FRMD3: variants seen among roughly 807,000 people sequenced by gnomAD.
FRMD3 encodes the protein FERM domain containing 3, also known as FERM domain-containing protein 3.
Under a neutral mutation model 70.2 loss-of-function variants are expected in FRMD3, and 33 were observed. The observed-to-expected ratio is 0.47, with a 90% CI of 0.36 to 0.63. The LOEUF is 0.63. FRMD3 is among the 20% of genes least tolerant of loss of function. The pLI is 0.00. For missense variants in FRMD3, 632 were observed against 711.4 expected (o/e 0.89, Z 1.27); for synonymous variants, 279 against 255.9 (o/e 1.09, Z -0.86).
chr9:83,303,416 A>G lies in FRMD3; in HGVS notation c.927-4230T>C, dbSNP rs527636732. On this transcript the variant is annotated intron_variant, in intron 10 of 13. Transcript: ENST00000304195. ...GTCTGATTTCAGTATTTAAAAAATC[A>G]TGCTCTAGTCGTACTGGCTCTCAAA... 3.3e-5 allele frequency among the ~76,000 whole-genome samples: 5 copies of G among 152,332 alleles called. No individual in the cohort carries two copies. The South Asian group carries it at 1.0e-3, about 32-fold the overall frequency.
chr9:83,409,678 T>A (rs986489537), intron 1 of FRMD3, among the ~76,000 whole-genome samples: 7 of 152,258 alleles, frequency 4.6e-5, no homozygotes, highest in Non-Finnish European at 8.8e-5. Flanking sequence ...ATTAGCTCGT[T>A]AATACAGTCT....
chr9:83,361,073 T>C (rs1236666838), intron 3 of FRMD3, among the ~76,000 whole-genome samples: 1 of 152,212 alleles, frequency 6.6e-6, no homozygotes, highest in East Asian at 1.9e-4. Flanking sequence ...AGACACTCCA[T>C]GGCTGAAACA....
At chr9:83,435,108 C>T (rs1193819916) in intron 1 of FRMD3, among the ~76,000 whole-genome samples, 5 of 152,120 alleles carry the variant, frequency 3.3e-5, no homozygotes, top group African/African-American at 9.7e-5. Context: ...GGATTACAGG[C>T]GTGAGCCACC....
At chr9:83,578,223 G>C in the FRMD3 span, among the ~76,000 whole-genome samples, 1 of 151,958 alleles carries the variant, frequency 6.6e-6, no homozygotes, top group East Asian at 1.9e-4. Flanking sequence ...GGACCAAATG[G>C]CTTCACAGCT....
chr9:83,395,177 C>A (rs1825777447), intron 1 of FRMD3, among the ~76,000 whole-genome samples: 1 of 150,530 alleles, frequency 6.6e-6, no homozygotes. Flanking sequence ...TAAGAATAAT[C>A]TTAATCTTAA....
At chr9:83,249,216 CT>C (rs1832284861) in intron 13 of FRMD3, among the ~76,000 whole-genome samples, 2 of 152,078 alleles carry the variant, frequency 1.3e-5, no homozygotes, top group Admixed American at 6.5e-5. Context: ...ACATATAAAG[CT>C]TTTTTTCCCC....
At chr9:83,540,636 C>G (rs1888747), upstream of FRMD3, among the ~76,000 whole-genome samples, 117,924 of 152,054 alleles carry the variant, frequency 0.78, 46,421 homozygotes, top group African/African-American at 0.93. Flanking sequence ...GGGAAACCAA[C>G]TGGCCATTGT....
intron 1 of FRMD3, among the ~76,000 whole-genome samples, chr9:83,521,529 A>G (rs1166168488): frequency 6.6e-6 from 1 of 152,212 alleles, no homozygotes; most frequent in Non-Finnish European, 1.5e-5. Flanking sequence ...AATTTGCCTC[A>G]GGGTGGGGCT....
intron 2 of FRMD3, among the ~76,000 whole-genome samples, chr9:83,378,816 A>ATATATGTAT (rs1564048017): frequency 1.4e-4 from 17 of 122,906 alleles, no homozygotes; most frequent in African/African-American, 6.5e-4. Flanking sequence ...TACTATATAT[A>ATATATGTAT]AATTTTATAT....
intron 1 of FRMD3, among the ~76,000 whole-genome samples, chr9:83,411,895 C>A (rs1336255487): frequency 1.3e-5 from 2 of 152,180 alleles, no homozygotes; most frequent in African/African-American, 4.8e-5. Flanking sequence ...GAAATTTGCA[C>A]CATTTCTGGG....
intron 6 of FRMD3, among the ~76,000 whole-genome samples, chr9:83,314,723 G>A (rs567218248): frequency 6.6e-6 from 1 of 152,080 alleles, no homozygotes; most frequent in Non-Finnish European, 1.5e-5. Flanking sequence ...TATGTCTAGG[G>A]AGCATCTTTA....
rs141379492 is a variant in FRMD3, at chr9:83,422,761, G to C, written c.148-33053C>G. Among the ~76,000 whole-genome samples the C allele has an allele frequency of 8.1e-3, 1,237 of 152,292 alleles. 5 individuals are homozygous for C. Among genetic ancestry groups the C allele is most frequent in the Non-Finnish European group, 0.014 (960 of 68,034 alleles). On this transcript the variant is annotated intron_variant, in intron 1 of 13. Transcript: ENST00000304195. Reference sequence around the variant, plus strand: ...CACCAGGGAACAGCTGGGAAGTGTTGTGTGTTGCCAAATTTGATCAAAAGA... The same window carrying C: ...CACCAGGGAACAGCTGGGAAGTGTTCTGTGTTGCCAAATTTGATCAAAAGA...
intron 1 of FRMD3, among the ~76,000 whole-genome samples, chr9:83,432,870 C>T (rs915329282): frequency 1.3e-5 from 2 of 152,088 alleles, no homozygotes; most frequent in African/African-American, 4.8e-5. Flanking sequence ...GTACATTGTA[C>T]CCAGTAAGTA....
At chr9:83,409,942 G>A (rs1339433179) in intron 1 of FRMD3, among the ~76,000 whole-genome samples, 1 of 152,166 alleles carries the variant, frequency 6.6e-6, no homozygotes, top group Non-Finnish European at 1.5e-5. Context: ...GATCAAGTGT[G>A]AAACTGATGG....
At chr9:83,445,096 C>T (rs760749477) in intron 1 of FRMD3, among the ~76,000 whole-genome samples, 6 of 152,212 alleles carry the variant, frequency 3.9e-5, no homozygotes, top group Non-Finnish European at 7.3e-5. Context: ...ATTAATAAGG[C>T]TGAGCACAGT....
chr9:83,311,905 C>G lies in FRMD3; in HGVS notation c.755G>C (p.Arg252Thr), dbSNP rs767915126. Residue 252 changes from arginine to threonine, a missense_variant, in exon 8 of 14, where the codon AGA becomes ACA. Arg to Thr is a moderately conservative substitution (Grantham distance 71). This residue lies in a region of FRMD3 where 418 missense variants were observed against 442.1 expected (regional missense o/e 0.95). Transcript: ENST00000304195. ...CACTTACCATTTTATCAAATGGATT[C>G]TCTTATTTCCCTGAAAGACCACAAA... is the stretch of plus-strand genomic sequence containing the variant. Reference protein sequence around the residue: ...AGFVVFQGNKRIHLIKWPDVC... With the variant: ...AGFVVFQGNKTIHLIKWPDVC... 1 of 1,609,172 alleles carries G rather than the reference C, an allele frequency of 6.2e-7. No homozygotes were observed. The highest frequency in any genetic ancestry group is 1.7e-5 in the Admixed American group (1 of 59,548).
intron 10 of FRMD3, among the ~76,000 whole-genome samples, chr9:83,303,271 C>T (rs888127058): frequency 2.0e-5 from 3 of 152,230 alleles, no homozygotes; most frequent in Admixed American, 6.5e-5. Flanking sequence ...CCTCACGGCT[C>T]TCTACCAGGA....
intron 1 of FRMD3, among the ~76,000 whole-genome samples, chr9:83,437,641 G>A (rs1827174181): frequency 6.6e-6 from 1 of 152,192 alleles, no homozygotes; most frequent in South Asian, 2.1e-4. Context: ...CAATCACAGT[G>A]CTTCTTCCTC....
chr9:83,323,381 C>T (rs985442395), intron 6 of FRMD3, among the ~76,000 whole-genome samples: 4 of 152,212 alleles, frequency 2.6e-5, no homozygotes, highest in Non-Finnish European at 5.9e-5. Flanking sequence ...ACAAAAATAA[C>T]ATTGAACAAA....
Sources: allele counts gnomAD v4.1 joint callset (sites outside exome capture counted in the v4.1 genomes callset), GRCh38; gene constraint gnomAD v4.1.1; regional missense constraint gnomAD v4.1.1; transcripts MANE v1.5; gene names NCBI Gene and HGNC (gene_info 2026-07-23, HGNC 2026-07-21).